RBMS3: variants seen among roughly 807,000 people sequenced by gnomAD.
RBMS3 encodes RNA binding motif single stranded interacting protein 3, also known as RNA-binding motif, single-stranded-interacting protein 3.
A neutral mutation model predicts 66.8 loss-of-function variants in RBMS3; 27 were observed. The observed-to-expected ratio is 0.40, with a 90% CI of 0.30 to 0.56. The LOEUF (loss-of-function observed/expected upper bound fraction) is 0.56, where lower values mean the gene tolerates loss of function less well. Among genes scored for constraint, RBMS3 ranks in the 20% least tolerant of loss-of-function variants. The pLI is 0.40. For synonymous variants in RBMS3, 188 were observed against 183.0 expected (o/e 1.03, Z -0.22); for missense variants, 513 against 549.5 (o/e 0.93, Z 0.66).
intron 1 of RBMS3, among the ~76,000 whole-genome samples, chr3:29,381,700 C>T (rs112900762): frequency 6.6e-6 from 1 of 152,230 alleles, no homozygotes; most frequent in East Asian, 1.9e-4. Flanking sequence ...CTGCCCCTGC[C>T]CTATTGCTTT....
chr3:29,954,335 A>T (rs950240425), intron 12 of RBMS3, among the ~76,000 whole-genome samples: 1 of 151,886 alleles, frequency 6.6e-6, no homozygotes, highest in Non-Finnish European at 1.5e-5. Context: ...TGGCCCATTT[A>T]TAGTTCAAAC....
intron 3 of RBMS3, among the ~76,000 whole-genome samples, chr3:29,499,851 G>A (rs1295578853): frequency 2.0e-5 from 3 of 152,118 alleles, no homozygotes; most frequent in Admixed American, 6.6e-5. Flanking sequence ...AGCAGCAGCT[G>A]AAACAAACGA....
At chr3:29,899,806 GC>G (rs773490451) in intron 10 of RBMS3, 51 bp downstream of exon 10, 2 of 1,565,358 alleles carry the variant, frequency 1.3e-6, no homozygotes, top group South Asian at 1.1e-5. Flanking sequence ...CCAAGTACAA[GC>G]TTTTGGAATG....
At chr3:29,558,179 T>C (rs1273921758) in intron 3 of RBMS3, among the ~76,000 whole-genome samples, 1 of 152,002 alleles carries the variant, frequency 6.6e-6, no homozygotes, top group African/African-American at 2.4e-5. Context: ...TAACGGCACA[T>C]AGAAGAACAG....
chr3:29,999,116 A>C (rs1699445494), intron 14 of RBMS3, among the ~76,000 whole-genome samples: 2 of 151,446 alleles, frequency 1.3e-5, no homozygotes, highest in South Asian at 4.1e-4. Flanking sequence ...ATGATCAGAC[A>C]CTTCTCAAAA....
chr3:29,667,320 T>G (rs955564120), intron 4 of RBMS3, among the ~76,000 whole-genome samples: 1 of 152,178 alleles, frequency 6.6e-6, no homozygotes, highest in Non-Finnish European at 1.5e-5. Context: ...GGGCATTCTC[T>G]AATCTAATCT....
chr3:29,577,712 G>A (rs2047169410), intron 3 of RBMS3, among the ~76,000 whole-genome samples: 1 of 152,178 alleles, frequency 6.6e-6, no homozygotes, highest in Non-Finnish European at 1.5e-5. Flanking sequence ...TGAGTTTAAT[G>A]TAAAGTCCCC....
At chr3:29,604,804 T>C (rs1406760851) in intron 4 of RBMS3, among the ~76,000 whole-genome samples, 15 of 151,924 alleles carry the variant, frequency 9.9e-5, no homozygotes, top group Non-Finnish European at 1.5e-5. Flanking sequence ...TCTTAGCAGT[T>C]AGTGATCATT....
chr3:29,960,085 A>G (rs1264587005), intron 12 of RBMS3, among the ~76,000 whole-genome samples: 1 of 152,226 alleles, frequency 6.6e-6, no homozygotes, highest in Admixed American at 6.5e-5. Flanking sequence ...CCAAAGTCTC[A>G]TCAGAGACAA....
intron 4 of RBMS3, among the ~76,000 whole-genome samples, chr3:29,688,721 T>A (rs1213030154): frequency 6.6e-6 from 1 of 151,574 alleles, no homozygotes; most frequent in African/African-American, 2.4e-5. Flanking sequence ...TAACTGGGAC[T>A]ACAAGCGGAT....
intron 6 of RBMS3, among the ~76,000 whole-genome samples, chr3:29,774,278 G>A (rs1013116779): frequency 6.6e-6 from 1 of 151,840 alleles, no homozygotes; most frequent in South Asian, 2.1e-4. Context: ...TAGGTAGCTG[G>A]CTTCTTTATA....
chr3:29,875,644 A>AACAC (rs2059595199), intron 7 of RBMS3, among the ~76,000 whole-genome samples: 1 of 152,212 alleles, frequency 6.6e-6, no homozygotes, highest in Admixed American at 6.5e-5. Context: ...AAAATATGGT[A>AACAC]ACACTGTTTT....
At chr3:29,431,057 A>G (rs747096041) in intron 1 of RBMS3, among the ~76,000 whole-genome samples, 3 of 152,220 alleles carry the variant, frequency 2.0e-5, no homozygotes, top group Non-Finnish European at 4.4e-5. Flanking sequence ...GCTAAACAGA[A>G]TACTTTATGT....
chr3:29,486,760 AAAC>A (rs1411800587), intron 2 of RBMS3, among the ~76,000 whole-genome samples: 4 of 152,198 alleles, frequency 2.6e-5, no homozygotes, highest in Non-Finnish European at 5.9e-5. Flanking sequence ...ATCCACTATG[AAAC>A]ACAGTAATGT....
chr3:29,655,343 A>G (rs1304835564), intron 4 of RBMS3, among the ~76,000 whole-genome samples: 1 of 152,178 alleles, frequency 6.6e-6, no homozygotes, highest in Non-Finnish European at 1.5e-5. Flanking sequence ...CTTCATGACT[A>G]TTTCCTCTGG....
At chr3:29,841,232 A>T (rs1308129198) in intron 6 of RBMS3, among the ~76,000 whole-genome samples, 1 of 151,760 alleles carries the variant, frequency 6.6e-6, no homozygotes, top group Non-Finnish European at 1.5e-5. Flanking sequence ...ATATTAACCA[A>T]ATTAGCCCTC....
intron 7 of RBMS3, among the ~76,000 whole-genome samples, chr3:29,872,088 AT>A (rs2059505415): frequency 6.6e-6 from 1 of 152,078 alleles, no homozygotes; most frequent in African/African-American, 2.4e-5. Flanking sequence ...TGATCGAGGG[AT>A]GGGGGCTATT....
chr3:29,539,824 T>A (rs2045694524), intron 3 of RBMS3, among the ~76,000 whole-genome samples: 1 of 152,230 alleles, frequency 6.6e-6, no homozygotes, highest in Non-Finnish European at 1.5e-5. Context: ...TTCAGTTATA[T>A]TCACTAATAA....
chr3:29,670,618 C>T lies in RBMS3; in HGVS notation c.400-69102C>T, dbSNP rs1576481791. 2.0e-5 allele frequency among the ~76,000 whole-genome samples: 3 copies of T among 152,220 alleles called. No homozygotes were observed. The East Asian group carries it at 5.8e-4, about 29-fold the overall frequency. ...AGGAGATTATATCTTGCACCTGGCT[C>T]AGAGGGTCCCGTGCCCACGGAGCCT... On this transcript the variant is annotated intron_variant, in intron 4 of 14. Transcript: ENST00000383767.
Sources: allele counts gnomAD v4.1 joint callset (sites outside exome capture counted in the v4.1 genomes callset), GRCh38; gene constraint gnomAD v4.1.1; transcripts MANE v1.5; gene names NCBI Gene and HGNC (gene_info 2026-07-23, HGNC 2026-07-21).